Variants in NLRP5 observed in about 807,000 individuals in gnomAD.
The protein encoded by NLRP5 is NLR family pyrin domain containing 5.
A neutral mutation model predicts 113.1 loss-of-function variants in NLRP5; 93 were observed. The ratio of observed to expected loss-of-function variants is 0.82; its 90% CI spans 0.70 to 0.98. The LOEUF (loss-of-function observed/expected upper bound fraction) is 0.98. NLRP5 is among the 50% of genes least tolerant of loss of function. The pLI, the probability that NLRP5 is intolerant of heterozygous loss-of-function variation, is 0.00. For synonymous variants in NLRP5, 751 were observed against 600.7 expected (o/e 1.25, Z -3.66); for missense variants, 1,808 against 1,514.3 (o/e 1.19, Z -3.22).
chr19:56,045,734 C>T (rs974010734), intron 11 of NLRP5, among the ~76,000 whole-genome samples: 1 of 151,952 alleles, frequency 6.6e-6, no homozygotes, highest in African/African-American at 2.4e-5. Flanking sequence ...CAGTCTGGGA[C>T]CGTTTATTGC....
At chr19:55,993,440 CCCCTCCTCT>C in the NLRP5 span, among the ~76,000 whole-genome samples, 2 of 5,216 alleles carry the variant, frequency 3.8e-4, 1 homozygote, top group South Asian at 0.042. Flanking sequence ...CCCTCCTCTC[CCCCTCCTCT>C]CCCCCCTCTC....
chr19:56,055,837 G>A (rs764809060), intron 13 of NLRP5, among the ~76,000 whole-genome samples: 8 of 152,000 alleles, frequency 5.3e-5, no homozygotes, highest in Non-Finnish European at 1.2e-4. Flanking sequence ...AAGCCACCGC[G>A]CCTGGCCTGT....
At chr19:56,001,624 A>C (rs560515571) in intron 1 of NLRP5, among the ~76,000 whole-genome samples, 3 of 152,290 alleles carry the variant, frequency 2.0e-5, no homozygotes, top group Middle Eastern at 3.4e-3. Context: ...TGCCCTGTCT[A>C]AGCAAGCAGA....
At position 56,032,670 on chromosome 19, in the gene NLRP5, C is replaced by T; in HGVS notation, c.2336C>T (p.Thr779Ile). The T allele has an allele frequency of 1.2e-6, 2 of 1,613,750 alleles. No individual in the cohort carries two copies. Among genetic ancestry groups the T allele is most frequent in the Non-Finnish European group, 1.7e-6 (2 of 1,179,810 alleles). Residue 779 changes from threonine (T) to isoleucine (I), a missense_variant, in exon 8 of 15, where the codon ACC becomes ATC. By Grantham distance (89) the Thr-to-Ile change is moderately conservative (BLOSUM62 -1). Transcript: ENST00000390649. ...GAAGATTTCTGCTCCATGCTTGGCA[C>T]CCACCCACACCTGCGGCAGCTGGAC...
rs370602942 is a variant in NLRP5, at chr19:56,030,279, A to G, written c.2276+1770A>G. ...CAGCTACTCAGGAGGCTGAGGCAGG[A>G]GAATTGCTGGAACCCCGCGGGCGGA... is the stretch of plus-strand genomic sequence containing the variant. On this transcript the variant is annotated intron_variant, in intron 7 of 14. Transcript: ENST00000390649. 5.9e-5 allele frequency among the ~76,000 whole-genome samples: 9 copies of G among 151,920 alleles called. No homozygotes were observed. The East Asian group carries it at 7.7e-4, about 13-fold the overall frequency.
rs758728243 is a variant in NLRP5 at position 56,027,460 on chromosome 19, C to T, written c.1227C>T (p.Val409=). ...CTGAGTCCTTCCTGATCGTCACCGT[C>T]AGAGACGTGGGCACAGAGAAGCTCA... Residue 409 remains valine, a synonymous_variant, in exon 7 of 15, where the codon GTC becomes GTT. Coordinates refer to ENST00000390649, the MANE Select transcript of NLRP5 (RefSeq NM_153447.4). The T allele has an allele frequency of 3.5e-5, 57 of 1,613,840 alleles. No individual in the cohort carries two copies. Among genetic ancestry groups the T allele is most frequent in the Non-Finnish European group, 4.7e-5 (55 of 1,179,852 alleles).
chr19:56,010,145 G>A (rs1367555030), intron 3 of NLRP5, among the ~76,000 whole-genome samples: 2 of 152,162 alleles, frequency 1.3e-5, no homozygotes, highest in Non-Finnish European at 1.5e-5. Flanking sequence ...TCCTGGACAC[G>A]AGAACTACCA....
Position 56,061,450 on chromosome 19 carries a change from G to C in NLRP5, c.3525G>C (p.Gln1175His), listed in dbSNP as rs541215726. The C allele has an allele frequency of 2.5e-6, 4 of 1,613,952 alleles. No homozygotes were observed. The highest frequency in any genetic ancestry group is 3.4e-6 in the Non-Finnish European group (4 of 1,179,820). ...TAAGGAAGCTGCTGGAGGAAGTGCA[G>C]CTACTCAAGCCCCGAGTCGTAATTG... Residue 1175 changes from glutamine (Q) to histidine (H), a missense_variant, in exon 15 of 15, where the codon CAG (glutamine) becomes CAC (histidine). Physicochemically the swap from Gln to His is conservative, Grantham distance 24. Coordinates refer to ENST00000390649, the MANE Select transcript of NLRP5 (RefSeq NM_153447.4).
intron 9 of NLRP5, among the ~76,000 whole-genome samples, chr19:56,034,245 C>T (rs990167918): frequency 1.3e-5 from 2 of 152,126 alleles, no homozygotes; most frequent in Non-Finnish European, 2.9e-5. Context: ...AAAAATTAGC[C>T]AGGCGTGGCA....
At chr19:56,030,714 CTT>C (rs770624516) in intron 7 of NLRP5, among the ~76,000 whole-genome samples, 1,181 of 71,388 alleles carry the variant, frequency 0.017, 88 homozygotes, top group African/African-American at 0.077. Context: ...CTTTCTTCTT[CTT>C]TTTTTTTTTT....
At chr19:56,032,946 G>A (rs1445974333) in intron 8 of NLRP5, among the ~76,000 whole-genome samples, 165 bp downstream of exon 8, 4 of 152,072 alleles carry the variant, frequency 2.6e-5, no homozygotes, top group Non-Finnish European at 4.4e-5. Flanking sequence ...GTGGGGAGTC[G>A]CTAAAGACCT....
chr19:56,009,403 C>G (rs1029864664), intron 3 of NLRP5, among the ~76,000 whole-genome samples: 1 of 148,236 alleles, frequency 6.7e-6, no homozygotes, highest in Non-Finnish European at 1.5e-5. Context: ...GAGGACTTCC[C>G]ATCGTCTTCA....
At chr19:56,052,925 G>A (rs1445063831) in intron 12 of NLRP5, among the ~76,000 whole-genome samples, 1 of 152,162 alleles carries the variant, frequency 6.6e-6, no homozygotes, top group Non-Finnish European at 1.5e-5. Context: ...ACTCTGCTGT[G>A]CTCATTTCTT....
In NLRP5 at chr19:56,061,452, T is replaced by C. The variant is rs775244250; in HGVS notation, c.3527T>C (p.Leu1176Pro). The change falls in exon 15 of 15, where the codon CTA becomes CCA. Residue 1176 changes from leucine to proline, a missense_variant. Physicochemically the swap from Leu to Pro is moderately conservative, Grantham distance 98. Transcript: ENST00000390649. ...AGGAAGCTGCTGGAGGAAGTGCAGC[T>C]ACTCAAGCCCCGAGTCGTAATTGAC... 6.2e-7 allele frequency: 1 copy of C among 1,613,994 alleles called. No homozygotes were observed. The highest frequency in any genetic ancestry group is 1.7e-5 in the Admixed American group (1 of 60,020).
intron 2 of NLRP5, among the ~76,000 whole-genome samples, chr19:56,007,910 T>TGGGCACAGAAAGAAGTAGAAATGGAA (rs1568483119): frequency 4.0e-5 from 1 of 25,158 alleles, no homozygotes; most frequent in African/African-American, 8.7e-5. Flanking sequence ...CGTGCGTGTG[T>TGGGCACAGAAAGAAGTAGAAATGGAA]GTGTGTGTGT....
the NLRP5 span, among the ~76,000 whole-genome samples, chr19:55,991,936 G>C: frequency 1.5e-5 from 2 of 133,230 alleles, no homozygotes; most frequent in African/African-American, 6.1e-5. Context: ...TTGTGTCATG[G>C]GGGTTTGTTA....
chr19:56,015,086 G>T (rs933898443), intron 3 of NLRP5, among the ~76,000 whole-genome samples: 2 of 152,040 alleles, frequency 1.3e-5, no homozygotes, highest in Non-Finnish European at 2.9e-5. Flanking sequence ...ATTTTTTTTG[G>T]TTACGTTTGT....
rs1982957131 is a variant in NLRP5 at position 56,028,265 on chromosome 19, G to A, written c.2032G>A (p.Ala678Thr). 1.2e-6 allele frequency: 2 copies of A among 1,613,892 alleles called. No individual in the cohort carries two copies. The highest frequency in any genetic ancestry group is 1.3e-5 in the African/African-American group (1 of 75,052). ...CTCTCTGTTGGGTCAGCAGCCTAATGCCACCACCCCAGGAGACACCCTGGA... is the reference window on the plus strand; with the variant it reads ...CTCTCTGTTGGGTCAGCAGCCTAATACCACCACCCCAGGAGACACCCTGGA... Residue 678 changes from alanine to threonine, a missense_variant, in exon 7 of 15, where the codon GCC becomes ACC. Transcript: ENST00000390649.
chr19:55,999,396 A>C (rs1022393722), upstream of NLRP5, among the ~76,000 whole-genome samples: 4 of 151,740 alleles, frequency 2.6e-5, no homozygotes, highest in African/African-American at 9.7e-5. Context: ...TTGTATTTTT[A>C]GTAGAAATGG....
Sources: allele counts gnomAD v4.1 joint callset (sites outside exome capture counted in the v4.1 genomes callset), GRCh38; gene constraint gnomAD v4.1.1; transcripts MANE v1.5; gene names NCBI Gene and HGNC (gene_info 2026-07-23, HGNC 2026-07-21).